Variants in CDCA7L observed in about 807,000 individuals in gnomAD.
The protein encoded by CDCA7L is cell division cycle associated 7 like, also known as cell division cycle-associated 7-like protein.
Under a neutral mutation model 57.4 loss-of-function variants are expected in CDCA7L, and 44 were observed. The ratio of observed to expected loss-of-function variants is 0.77; its 90% CI spans 0.60 to 0.98. The LOEUF (loss-of-function observed/expected upper bound fraction) is 0.98, where lower values mean the gene tolerates loss of function less well. Among genes scored for constraint, CDCA7L ranks in the 50% least tolerant of loss-of-function variants. The pLI is 0.00. For missense variants in CDCA7L, 644 were observed against 580.6 expected (o/e 1.11, Z -1.12); for synonymous variants, 236 against 202.8 (o/e 1.16, Z -1.39).
At chr7:21,907,990 A>G in intron 4 of CDCA7L, 140 bp downstream of exon 4, 1 of 854,718 alleles carries the variant, frequency 1.2e-6, no homozygotes. Context: ...AAGTAAAAGG[A>G]TACACAATAC....
intron 1 of CDCA7L, among the ~76,000 whole-genome samples, chr7:21,939,555 G>T (rs1357532582): frequency 6.6e-6 from 1 of 152,126 alleles, no homozygotes; most frequent in African/African-American, 2.4e-5. Context: ...CTCCTCCAGG[G>T]AGGTCAGCAG....
At chr7:21,916,962 G>A in intron 1 of CDCA7L, 68 bp from the exon 2 acceptor site, 2 of 1,569,482 alleles carry the variant, frequency 1.3e-6, no homozygotes, top group Non-Finnish European at 1.7e-6. Flanking sequence ...GACATTTTCT[G>A]GAGGGGAGGA....
chr7:21,930,692 C>T (rs1362765555), intron 1 of CDCA7L, among the ~76,000 whole-genome samples: 18 of 106,528 alleles, frequency 1.7e-4, no homozygotes, highest in African/African-American at 3.3e-4. Flanking sequence ...TGCAAGACTC[C>T]GTCTCAAAAA....
Position 21,902,325 on chromosome 7 carries a change from A to C in CDCA7L, c.1362T>G (p.Asn454Lys). Residue 454 changes from asparagine to lysine, a missense_variant, in exon 10 of 10, where the codon AAT becomes AAG. Physicochemically the swap from Asn to Lys is moderately conservative, Grantham distance 94. Transcript: ENST00000406877. ...ESLQKELVEDN is the reference protein window; with the variant it reads ...ESLQKELVEDK ...GCTGGTTCTGTTTGTTTTCCTCTTA[A>C]TTGTCTTCTACCAGCTCCTTTTGTA... is the stretch of plus-strand genomic sequence containing the variant. 6 of 1,613,782 alleles carry C rather than the reference A, an allele frequency of 3.7e-6. No individual in the cohort carries two copies. The highest frequency in any genetic ancestry group is 5.1e-6 in the Non-Finnish European group (6 of 1,179,718).
intron 1 of CDCA7L, among the ~76,000 whole-genome samples, chr7:21,918,090 G>A (rs772024776): frequency 3.9e-5 from 6 of 152,250 alleles, no homozygotes; most frequent in Non-Finnish European, 5.9e-5. Flanking sequence ...TTCAGGTTAT[G>A]TATTTTTGTC....
chr7:21,902,105 C>CAGGTCTGTGCATACATCT lies in CDCA7L; in HGVS notation c.*199_*216dup. 3.6e-6 allele frequency: 2 copies of CAGGTCTGTGCATACATCT among 559,076 alleles called. No homozygotes were observed. The highest frequency in any genetic ancestry group is 1.9e-5 in the African/African-American group (1 of 53,380). The allele number at this position is 559,076 out of a possible 1,614,324, so 34.6% of individuals were successfully genotyped here. On this transcript the variant is annotated 3_prime_UTR_variant, in exon 10 of 10. Transcript: ENST00000406877. ...TTTTTAACAAAGTTCAGCATACAGA[C>CAGGTCTGTGCATACATCT]AGGTCTGTGCATACATCTATATAGA...
chr7:21,945,449 T>A (rs1786489548), intron 1 of CDCA7L, among the ~76,000 whole-genome samples: 1 of 149,618 alleles, frequency 6.7e-6, no homozygotes, highest in Non-Finnish European at 1.5e-5. Context: ...AAAAAGCCCC[T>A]CCCCCGTCTC....
chr7:21,921,342 CAA>C (rs5882833), intron 1 of CDCA7L, among the ~76,000 whole-genome samples: 2 of 121,954 alleles, frequency 1.6e-5, no homozygotes, highest in South Asian at 2.7e-4. Flanking sequence ...CAAGATTTGC[CAA>C]AAAAAAAAAA....
intron 7 of CDCA7L, 73 bp from the exon 8 acceptor site, chr7:21,904,332 T>G (rs115297126): frequency 1.4e-6 from 2 of 1,404,042 alleles, no homozygotes; most frequent in Non-Finnish European, 1.9e-6. Context: ...TGCCACCATG[T>G]GCATTTCCAA....
chr7:21,943,333 T>G (rs1173923014), intron 1 of CDCA7L, among the ~76,000 whole-genome samples: 5 of 152,230 alleles, frequency 3.3e-5, no homozygotes, highest in African/African-American at 1.2e-4. Context: ...TTCTTACTCA[T>G]AACATTAGGC....
rs1200762896 is a variant in CDCA7L, at chr7:21,930,004, A to G, written c.25-13110T>C. ...CTACAGAACTCTCCACCCCAAATCA[A>G]CAGAATATACATTCTTCTCAGCACC... On this transcript the variant is annotated intron_variant, in intron 1 of 9. Coordinates refer to ENST00000406877, the MANE Select transcript of CDCA7L (RefSeq NM_018719.5). 2.0e-5 allele frequency among the ~76,000 whole-genome samples: 3 copies of G among 152,354 alleles called. No homozygotes were observed. The East Asian group carries it at 5.8e-4, about 29-fold the overall frequency.
At chr7:21,944,231 C>T (rs1321826456) in intron 1 of CDCA7L, among the ~76,000 whole-genome samples, 1 of 149,374 alleles carries the variant, frequency 6.7e-6, no homozygotes, top group African/African-American at 2.5e-5. Flanking sequence ...CTGAGGTCAG[C>T]AGTTCAAGAC....
chr7:21,933,267 G>A (rs1786071412), intron 1 of CDCA7L, among the ~76,000 whole-genome samples: 1 of 152,264 alleles, frequency 6.6e-6, no homozygotes, highest in Admixed American at 6.5e-5. Context: ...TCTAGAACCA[G>A]AAATACCATT....
intron 1 of CDCA7L, among the ~76,000 whole-genome samples, chr7:21,938,136 A>G (rs955618723): frequency 6.6e-6 from 1 of 152,198 alleles, no homozygotes; most frequent in African/African-American, 2.4e-5. Context: ...ATAGAATGAG[A>G]GAAAATATTT....
intron 1 of CDCA7L, among the ~76,000 whole-genome samples, chr7:21,942,818 A>T (rs1786383576): frequency 6.6e-6 from 1 of 152,160 alleles, no homozygotes; most frequent in African/African-American, 2.4e-5. Context: ...TAGAGTGGCA[A>T]ATCATTGTCC....
chr7:21,916,192 G>A (rs1476612902), intron 2 of CDCA7L, among the ~76,000 whole-genome samples: 10 of 152,098 alleles, frequency 6.6e-5, no homozygotes, highest in Non-Finnish European at 1.5e-4. Flanking sequence ...TGCCACTGAA[G>A]GGTAGAGATT....
At chr7:21,910,456 G>A (rs1326117349) in intron 3 of CDCA7L, among the ~76,000 whole-genome samples, 4 of 152,208 alleles carry the variant, frequency 2.6e-5, no homozygotes, top group Non-Finnish European at 2.9e-5. Flanking sequence ...TAGGACAAGT[G>A]AGGGACATGG....
At position 21,904,090 on chromosome 7, in the gene CDCA7L, A is replaced by G; in HGVS notation, c.1197+20T>C. The G allele has an allele frequency of 6.4e-7, 1 of 1,554,860 alleles. No individual in the cohort carries two copies. Among genetic ancestry groups the G allele is most frequent in the Non-Finnish European group, 8.7e-7 (1 of 1,150,610 alleles). ...TCCTTCACCAATACAATTTACAACA[A>G]ATGCAAACACTGTTCCTACCGGGTC... On this transcript the variant is annotated intron_variant, in intron 8 of 9. Transcript: ENST00000406877.
At chr7:21,906,171 C>T in intron 6 of CDCA7L, 118 bp downstream of exon 6, 2 of 932,968 alleles carry the variant, frequency 2.1e-6, no homozygotes, top group Non-Finnish European at 3.2e-6. Flanking sequence ...AATGCAAGTT[C>T]TCAGCTGCCG....
Sources: allele counts gnomAD v4.1 joint callset (sites outside exome capture counted in the v4.1 genomes callset), GRCh38; gene constraint gnomAD v4.1.1; transcripts MANE v1.5; gene names NCBI Gene and HGNC (gene_info 2026-07-23, HGNC 2026-07-21).